Variants in ATP8A2 observed in about 807,000 individuals in gnomAD.
The protein encoded by ATP8A2 is phospholipid-transporting ATPase IB.
ATP8A2 carries 100 observed loss-of-function variants against 165.6 expected under a neutral mutation model. The ratio of observed to expected loss-of-function variants is 0.60; its 90% CI spans 0.51 to 0.71. The LOEUF (loss-of-function observed/expected upper bound fraction) is 0.71. Ranked by LOEUF, ATP8A2 falls within the 30% of genes least tolerant of loss-of-function variation. The pLI is 0.00. For synonymous variants in ATP8A2, 543 were observed against 548.8 expected, an observed-to-expected ratio of 0.99 and a Z score of 0.15; for missense variants, 1,227 against 1,479.5, an observed-to-expected ratio of 0.83 and a Z score of 2.80.
chr13:25,825,932 G>A (rs970926681), intron 27 of ATP8A2, among the ~76,000 whole-genome samples: 15 of 152,158 alleles, frequency 9.9e-5, no homozygotes, highest in African/African-American at 2.6e-4. Context: ...ACAAAGAATG[G>A]TGATGACAGA....
intron 1 of ATP8A2, among the ~76,000 whole-genome samples, chr13:25,434,018 GT>G (rs1480379564): frequency 6.6e-6 from 1 of 152,152 alleles, no homozygotes; most frequent in Non-Finnish European, 1.5e-5. Context: ...CAAGTACAAT[GT>G]TTACTATTTG....
At chr13:25,579,997 C>T (rs1292498403) in intron 22 of ATP8A2, 50 bp downstream of exon 22, 1 of 1,598,024 alleles carries the variant, frequency 6.3e-7, no homozygotes, top group Admixed American at 1.7e-5. Context: ...ACTTAACCAC[C>T]TATTTCACAA....
intron 24 of ATP8A2, among the ~76,000 whole-genome samples, chr13:25,686,876 A>T (rs761923583): frequency 6.6e-6 from 1 of 151,934 alleles, no homozygotes; most frequent in African/African-American, 2.4e-5. Flanking sequence ...AGCTCATGAC[A>T]CCGCGTTCTG....
At chr13:25,812,956 A>G (rs1385709488) in intron 27 of ATP8A2, among the ~76,000 whole-genome samples, 1 of 152,144 alleles carries the variant, frequency 6.6e-6, no homozygotes, top group Non-Finnish European at 1.5e-5. Flanking sequence ...GGAAGCCATT[A>G]CCCTCAGCAA....
In ATP8A2 at chr13:26,025,596, A is replaced by G. The variant is rs1402755253; in HGVS notation, c.*5611A>G. Reference sequence around the variant, plus strand: ...TCCCAGCAGCGTGGGGGGTGCTTCTATGGTGTGTGGGGTTTTTTGTTGCCT... The same window carrying G: ...TCCCAGCAGCGTGGGGGGTGCTTCTGTGGTGTGTGGGGTTTTTTGTTGCCT... On this transcript the variant is annotated 3_prime_UTR_variant, in exon 37 of 37. Coordinates refer to ENST00000381655, the MANE Select transcript of ATP8A2 (RefSeq NM_016529.6). The G allele has an allele frequency of 1.3e-5, 2 of 152,112 alleles. No homozygotes were observed. Among genetic ancestry groups the G allele is most frequent in the East Asian group, 1.9e-4 (1 of 5,174 alleles). 9.4% of individuals were successfully genotyped at this position (152,112 alleles called of 1,614,324 possible). A position where few individuals can be genotyped will look rare whatever the true frequency, so the allele number is the denominator to read the frequency against.
intron 1 of ATP8A2, among the ~76,000 whole-genome samples, chr13:25,442,595 T>C (rs2034961955): frequency 6.6e-6 from 1 of 152,112 alleles, no homozygotes; most frequent in African/African-American, 2.4e-5. Flanking sequence ...AATAATTTTT[T>C]TGTAGAGATA....
At chr13:25,667,258 G>C (rs923948612) in intron 24 of ATP8A2, among the ~76,000 whole-genome samples, 1 of 152,114 alleles carries the variant, frequency 6.6e-6, no homozygotes, top group Non-Finnish European at 1.5e-5. Flanking sequence ...GATATGGTTT[G>C]TTTGCCTCCA....
chr13:25,766,603 C>T (rs1333438082), intron 25 of ATP8A2, among the ~76,000 whole-genome samples: 5 of 152,144 alleles, frequency 3.3e-5, no homozygotes, highest in South Asian at 2.1e-4. Context: ...AGCTTCACAA[C>T]GACATATCAT....
chr13:25,615,910 A>G (rs1302431950), intron 24 of ATP8A2, among the ~76,000 whole-genome samples: 2 of 152,130 alleles, frequency 1.3e-5, no homozygotes, highest in African/African-American at 4.8e-5. Flanking sequence ...TGAAGCTCGC[A>G]GCAGTAATCC....
intron 24 of ATP8A2, among the ~76,000 whole-genome samples, chr13:25,690,129 GTT>G (rs11433711): frequency 6.8e-6 from 1 of 146,826 alleles, no homozygotes; most frequent in Non-Finnish European, 1.5e-5. Flanking sequence ...TATTTTCAGA[GTT>G]TTTTTTTTTT....
chr13:25,564,139 T>C, intron 16 of ATP8A2, 108 bp downstream of exon 16: 1 of 783,266 alleles, frequency 1.3e-6, no homozygotes, highest in Non-Finnish European at 2.2e-6. Context: ...ATGGGAAAAG[T>C]CTCGACTTGA....
chr13:25,374,484 C>G (rs1051757944), intron 1 of ATP8A2, among the ~76,000 whole-genome samples: 1 of 152,072 alleles, frequency 6.6e-6, no homozygotes, highest in South Asian at 2.1e-4. Context: ...CAAGAGAGGT[C>G]GCTTTGTTTT....
chr13:25,896,295 G>A (rs1430782655), intron 33 of ATP8A2, among the ~76,000 whole-genome samples: 1 of 152,158 alleles, frequency 6.6e-6, no homozygotes, highest in Non-Finnish European at 1.5e-5. Flanking sequence ...TATGTACCCA[G>A]TAGTCATTCA....
chr13:25,860,134 A>T, intron 30 of ATP8A2, 61 bp from the exon 31 acceptor site: 1 of 1,093,188 alleles, frequency 9.1e-7, no homozygotes, highest in Middle Eastern at 2.0e-4. Flanking sequence ...TAATGCTCTG[A>T]GTTAAATAGG....
intron 35 of ATP8A2, 126 bp from the exon 36 acceptor site, chr13:26,012,405 G>T: frequency 1.4e-6 from 1 of 717,998 alleles, no homozygotes; most frequent in Non-Finnish European, 2.3e-6. Context: ...GGCCGCTGGT[G>T]AAGCACCACG....
intron 1 of ATP8A2, among the ~76,000 whole-genome samples, chr13:25,396,662 C>A (rs1257636675): frequency 6.6e-6 from 1 of 152,166 alleles, no homozygotes; most frequent in Non-Finnish European, 1.5e-5. Flanking sequence ...TGTTCCCAAT[C>A]TTTGCTCTCA....
chr13:25,488,733 T>G (rs2036427255), intron 2 of ATP8A2, among the ~76,000 whole-genome samples: 1 of 152,196 alleles, frequency 6.6e-6, no homozygotes, highest in Non-Finnish European at 1.5e-5. Flanking sequence ...GCAGTCTTAG[T>G]ACTCTATCAC....
chr13:25,683,427 G>T (rs2042536496), intron 24 of ATP8A2, among the ~76,000 whole-genome samples: 1 of 152,166 alleles, frequency 6.6e-6, no homozygotes, highest in Middle Eastern at 3.2e-3. Flanking sequence ...TTTGTGTGTA[G>T]TTTTATGTGT....
intron 35 of ATP8A2, among the ~76,000 whole-genome samples, chr13:25,972,077 A>G (rs1023275707): frequency 1.4e-4 from 22 of 152,214 alleles, no homozygotes; most frequent in African/African-American, 4.8e-4. Context: ...AACCACAGGA[A>G]GTAGAACAAA....
Sources: allele counts gnomAD v4.1 joint callset (sites outside exome capture counted in the v4.1 genomes callset), GRCh38; gene constraint gnomAD v4.1.1; transcripts MANE v1.5; gene names NCBI Gene and HGNC (gene_info 2026-07-23, HGNC 2026-07-21).